The following CEP57L1 variants were observed in gnomAD, a reference collection of about 807,000 sequenced individuals.
The protein encoded by CEP57L1 is centrosomal protein 57 like 1, also known as centrosomal protein CEP57L1.
In CEP57L1, 37 loss-of-function variants were observed where a neutral mutation model predicts 61.0. The observed-to-expected ratio is 0.61, with a 90% CI of 0.47 to 0.80. The LOEUF (loss-of-function observed/expected upper bound fraction) is 0.80, where lower values mean the gene tolerates loss of function less well. CEP57L1 is among the 30% of genes least tolerant of loss of function. The probability of loss-of-function intolerance (pLI) is 0.00; values close to 1 mark genes in which losing one functional copy is unlikely to be tolerated. For missense variants in CEP57L1, 422 were observed against 524.7 expected (o/e 0.80, Z 1.91); for synonymous variants, 137 against 162.3 (o/e 0.84, Z 1.19).
chr6:109,157,583 G>A (rs1459330165), intron 7 of CEP57L1: 3 of 152,162 alleles, frequency 2.0e-5, no homozygotes, highest in African/African-American at 7.2e-5. Context: ...GGAAAAATGT[G>A]TTATAGTCTG....
chr6:109,103,085 C>T (rs1375263517), intron 1 of CEP57L1, among the ~76,000 whole-genome samples: 1 of 152,148 alleles, frequency 6.6e-6, no homozygotes, highest in African/African-American at 2.4e-5. Flanking sequence ...CCTAGTCTTA[C>T]AAGGTTGCAA....
chr6:109,168,332 A>G lies in CEP57L1; in HGVS notation c.*5362A>G, dbSNP rs1774228289. On this transcript the variant is annotated 3_prime_UTR_variant, in exon 11 of 11. Transcript: ENST00000517392. ...TATGAAACAATGAAGTAAATGGAGA[A>G]GTGGGGGAAAATCAAGCAATAATCA... Among the ~76,000 whole-genome samples, 1 of 152,212 alleles carries G rather than the reference A, an allele frequency of 6.6e-6. No individual in the cohort carries two copies. Among genetic ancestry groups the G allele is most frequent in the African/African-American group, 2.4e-5 (1 of 41,462 alleles).
intron 1 of CEP57L1, among the ~76,000 whole-genome samples, chr6:109,118,743 ACT>A (rs536571436): frequency 1.4e-3 from 211 of 152,122 alleles, no homozygotes; most frequent in African/African-American, 4.8e-3. Flanking sequence ...AGTAGCTAGC[ACT>A]CTCTCTGATC....
chr6:109,102,199 A>G (rs565320402), intron 1 of CEP57L1, among the ~76,000 whole-genome samples: 1 of 151,522 alleles, frequency 6.6e-6, no homozygotes, highest in Non-Finnish European at 1.5e-5. Context: ...ATTACTGTTG[A>G]GTGTTTTTGT....
intron 3 of CEP57L1, among the ~76,000 whole-genome samples, chr6:109,149,084 A>G (rs2114889125): frequency 6.6e-6 from 1 of 152,230 alleles, no homozygotes; most frequent in South Asian, 2.1e-4. Flanking sequence ...GTTCACTCTG[A>G]TGGTAGTTTC....
intron 1 of CEP57L1, among the ~76,000 whole-genome samples, chr6:109,101,616 C>CTTTTTTT (rs199499971): frequency 4.7e-4 from 60 of 126,522 alleles, no homozygotes; most frequent in African/African-American, 1.4e-3. Context: ...TTTTCTTTTT[C>CTTTTTTT]TTTTTTCTTT....
chr6:109,138,298 AG>A (rs1770964110), intron 1 of CEP57L1, among the ~76,000 whole-genome samples: 2 of 152,172 alleles, frequency 1.3e-5, no homozygotes, highest in Non-Finnish European at 2.9e-5. Context: ...TAGATTGCTG[AG>A]GAACTAGGAG....
rs529162833 is a variant in CEP57L1 at position 109,168,318 on chromosome 6, G to C, written c.*5348G>C. Among the ~76,000 whole-genome samples, 26 of 152,164 alleles carry C rather than the reference G, an allele frequency of 1.7e-4. No individual in the cohort carries two copies. The highest frequency in any genetic ancestry group is 3.8e-4 in the Non-Finnish European group (26 of 68,018). Reference sequence around the variant, plus strand: ...GTGGAAAAAGTGGGTATGAAACAATGAAGTAAATGGAGAAGTGGGGGAAAA... The same window carrying C: ...GTGGAAAAAGTGGGTATGAAACAATCAAGTAAATGGAGAAGTGGGGGAAAA... On this transcript the variant is annotated 3_prime_UTR_variant, in exon 11 of 11. Coordinates refer to ENST00000517392, the MANE Select transcript of CEP57L1 (RefSeq NM_001271852.3).
chr6:109,113,960 C>T (rs1450310634), intron 1 of CEP57L1, among the ~76,000 whole-genome samples: 1 of 152,094 alleles, frequency 6.6e-6, no homozygotes, highest in Non-Finnish European at 1.5e-5. Context: ...TGTAAATGGA[C>T]ACTTAGGTTG....
intron 1 of CEP57L1, among the ~76,000 whole-genome samples, chr6:109,117,388 T>C (rs1772430761): frequency 6.6e-6 from 1 of 152,194 alleles, no homozygotes; most frequent in African/African-American, 2.4e-5. Flanking sequence ...AGGAAGTTTT[T>C]AATTGAAGGA....
At chr6:109,119,408 G>A (rs1274502885) in intron 1 of CEP57L1, among the ~76,000 whole-genome samples, 4 of 152,198 alleles carry the variant, frequency 2.6e-5, no homozygotes, top group Non-Finnish European at 5.9e-5. Context: ...GTAAGGATGG[G>A]AGAGGATAGG....
At chr6:109,099,907 A>G (rs1782174056) in intron 1 of CEP57L1, among the ~76,000 whole-genome samples, 1 of 152,122 alleles carries the variant, frequency 6.6e-6, no homozygotes, top group African/African-American at 2.4e-5. Flanking sequence ...GCACTCTTTT[A>G]CTGTGTTCTT....
intron 1 of CEP57L1, among the ~76,000 whole-genome samples, chr6:109,116,054 T>G (rs1300247670): frequency 1.3e-5 from 2 of 152,098 alleles, no homozygotes; most frequent in Admixed American, 1.3e-4. Flanking sequence ...TTTTAGGTAT[T>G]TCCTGGAATT....
intron 3 of CEP57L1, among the ~76,000 whole-genome samples, chr6:109,149,062 T>G (rs1772294376): frequency 6.6e-6 from 1 of 152,252 alleles, no homozygotes; most frequent in Non-Finnish European, 1.5e-5. Flanking sequence ...TCTCCCATTC[T>G]GTAGGTTGCC....
At chr6:109,116,127 G>GTTA (rs1772256027) in intron 1 of CEP57L1, among the ~76,000 whole-genome samples, 6 of 135,474 alleles carry the variant, frequency 4.4e-5, no homozygotes, top group African/African-American at 1.2e-4. Context: ...GTTATGTGTT[G>GTTA]TGTTATGTTA....
intron 1 of CEP57L1, among the ~76,000 whole-genome samples, chr6:109,104,758 T>A (rs192998576): frequency 0.014 from 2,049 of 150,416 alleles, 46 homozygotes; most frequent in African/African-American, 0.045. Context: ...AATTAAAAAA[T>A]TTTTTTTTTG....
In CEP57L1 at chr6:109,160,563, C is replaced by A; in HGVS notation, c.1017-9C>A. ...ATAATACTGCTTAATATTTGCTATT[C>A]TTTCATAGGGAGCACCAAGAACTAC... On this transcript the variant is annotated splice_polypyrimidine_tract_variant and intron_variant, in intron 9 of 10. Transcript: ENST00000517392. 1 of 1,587,250 alleles carries A rather than the reference C, an allele frequency of 6.3e-7. No homozygotes were observed. The highest frequency in any genetic ancestry group is 1.2e-5 in the South Asian group (1 of 86,304).
chr6:109,170,207 A>T lies in CEP57L1; in HGVS notation c.*7237A>T, dbSNP rs1337231547. ...ACCCACTTGTAGAAGTTTATTCACC[A>T]CTACAAATTACTAAAGTTAACCTAA... On this transcript the variant is annotated 3_prime_UTR_variant, in exon 11 of 11. Coordinates refer to ENST00000517392, the MANE Select transcript of CEP57L1 (RefSeq NM_001271852.3). Among the ~76,000 whole-genome samples, 1 of 152,214 alleles carries T rather than the reference A, an allele frequency of 6.6e-6. No individual in the cohort carries two copies. Among genetic ancestry groups the T allele is most frequent in the Admixed American group, 6.5e-5 (1 of 15,280 alleles).
At chr6:109,116,132 A>ATG (rs1562512175) in intron 1 of CEP57L1, among the ~76,000 whole-genome samples, 624 of 42,548 alleles carry the variant, frequency 0.015, 7 homozygotes, top group African/African-American at 0.051. Flanking sequence ...GTGTTGTGTT[A>ATG]TGTTATGTTA....
Sources: allele counts gnomAD v4.1 joint callset (sites outside exome capture counted in the v4.1 genomes callset), GRCh38; gene constraint gnomAD v4.1.1; transcripts MANE v1.5; gene names NCBI Gene and HGNC (gene_info 2026-07-23, HGNC 2026-07-21).